The following MEMO1 variants were observed in gnomAD, a reference collection of about 807,000 sequenced individuals.
MEMO1 encodes the protein protein MEMO1.
In MEMO1, 6 loss-of-function variants were observed where a neutral mutation model predicts 45.2. That is an observed-to-expected ratio of 0.13 (90% confidence interval 0.07 to 0.26). The LOEUF (loss-of-function observed/expected upper bound fraction) is 0.26. Among genes scored for constraint, MEMO1 ranks in the 10% least tolerant of loss-of-function variants. The pLI is 1.00. For missense variants in MEMO1, 184 were observed against 370.5 expected, an observed-to-expected ratio of 0.50 and a Z score of 4.13; for synonymous variants, 78 against 124.3, an observed-to-expected ratio of 0.63 and a Z score of 2.48.
At chr2:31,995,223 G>A (rs552444005) in intron 2 of MEMO1, among the ~76,000 whole-genome samples, 37 of 152,096 alleles carry the variant, frequency 2.4e-4, no homozygotes, top group South Asian at 4.2e-4. Flanking sequence ...AGGCCGAGGC[G>A]GGTGAATCAC....
At chr2:31,915,575 A>C (rs1464745176) in intron 6 of MEMO1, among the ~76,000 whole-genome samples, 24 of 152,112 alleles carry the variant, frequency 1.6e-4, no homozygotes. Context: ...AAAAAAAAGA[A>C]GAAGAAGTCT....
chr2:31,934,563 G>A (rs904119603), intron 3 of MEMO1, among the ~76,000 whole-genome samples: 1 of 152,098 alleles, frequency 6.6e-6, no homozygotes, highest in Admixed American at 6.6e-5. Context: ...GGACATTAAG[G>A]AAGGGCCTAA....
At chr2:32,006,443 G>C (rs1438041734) in intron 2 of MEMO1, among the ~76,000 whole-genome samples, 2 of 152,130 alleles carry the variant, frequency 1.3e-5, no homozygotes, top group African/African-American at 4.8e-5. Flanking sequence ...ACTGGCTAGG[G>C]TTTGGCAAAT....
intron 2 of MEMO1, among the ~76,000 whole-genome samples, chr2:31,980,536 T>C (rs1670514497): frequency 6.6e-6 from 1 of 152,178 alleles, no homozygotes; most frequent in African/African-American, 2.4e-5. Flanking sequence ...TGAGTCAAAT[T>C]ACTTGAACTC....
chr2:31,885,841 C>T (rs1676113247), intron 7 of MEMO1, among the ~76,000 whole-genome samples: 1 of 152,196 alleles, frequency 6.6e-6, no homozygotes, highest in Non-Finnish European at 1.5e-5. Context: ...GTTTGCTACT[C>T]AAAAGTCTTT....
At chr2:31,929,696 T>C (rs983131370) in intron 4 of MEMO1, among the ~76,000 whole-genome samples, 1 of 152,216 alleles carries the variant, frequency 6.6e-6, no homozygotes, top group Admixed American at 6.5e-5. Flanking sequence ...TGACAGGGTA[T>C]CATTTACATT....
chr2:31,988,240 C>T (rs1027885528), intron 2 of MEMO1, among the ~76,000 whole-genome samples: 2 of 152,080 alleles, frequency 1.3e-5, no homozygotes, highest in African/African-American at 4.8e-5. Flanking sequence ...TTGGGATTTT[C>T]CCTGAAGGTT....
intron 2 of MEMO1, among the ~76,000 whole-genome samples, chr2:31,975,455 A>G (rs1193504349): frequency 6.6e-6 from 1 of 151,866 alleles, no homozygotes; most frequent in African/African-American, 2.4e-5. Flanking sequence ...AAAAGCCCAT[A>G]CTCCTCTTGA....
At chr2:31,878,078 G>A (rs1361968815) in intron 8 of MEMO1, among the ~76,000 whole-genome samples, 1 of 152,194 alleles carries the variant, frequency 6.6e-6, no homozygotes, top group African/African-American at 2.4e-5. Flanking sequence ...AGGGTAGGAT[G>A]TAGGATGCAA....
chr2:31,975,704 CT>C lies in MEMO1; in HGVS notation c.62-32322del, dbSNP rs555139472. On this transcript the variant is annotated intron_variant, in intron 2 of 9. Coordinates refer to ENST00000404530, the MANE Select transcript of MEMO1 (RefSeq NM_001301833.4). ...AATGATGTCCAAATAAGCATTAGTG[CT>C]AACAAGTCACATTCCTAAAAATTAC... is the stretch of plus-strand genomic sequence containing the variant. Among the ~76,000 whole-genome samples the C allele has an allele frequency of 7.9e-5, 12 of 152,192 alleles. No homozygotes were observed. In the East Asian group the frequency reaches 2.3e-3, roughly 29 times the overall value.
At chr2:31,975,309 T>C (rs1440463475) in intron 2 of MEMO1, among the ~76,000 whole-genome samples, 1 of 152,254 alleles carries the variant, frequency 6.6e-6, no homozygotes, top group Non-Finnish European at 1.5e-5. Context: ...ACCTAAATTA[T>C]GCATTCTCCT....
At chr2:31,933,962 G>A (rs1664603180) in intron 3 of MEMO1, among the ~76,000 whole-genome samples, 1 of 152,134 alleles carries the variant, frequency 6.6e-6, no homozygotes, top group Non-Finnish European at 1.5e-5. Context: ...GTCTCTGAGT[G>A]CCTGAGACGT....
intron 6 of MEMO1, among the ~76,000 whole-genome samples, chr2:31,894,104 A>G (rs550814949): frequency 6.6e-6 from 1 of 152,356 alleles, no homozygotes; most frequent in African/African-American, 2.4e-5. Flanking sequence ...AAGCAATTAT[A>G]AAACTAGATA....
chr2:31,928,395 T>G (rs1683428940), intron 4 of MEMO1, among the ~76,000 whole-genome samples: 1 of 151,956 alleles, frequency 6.6e-6, no homozygotes, highest in African/African-American at 2.4e-5. Context: ...ATAAAAAAAT[T>G]AGCCAGGCCT....
chr2:31,969,780 T>C (rs1333189428), intron 2 of MEMO1, among the ~76,000 whole-genome samples: 1 of 150,224 alleles, frequency 6.7e-6, no homozygotes, highest in Non-Finnish European at 1.5e-5. Flanking sequence ...CAACTAACTT[T>C]TTTTTTTTTT....
intron 2 of MEMO1, among the ~76,000 whole-genome samples, chr2:31,997,217 C>T (rs1672719654): frequency 6.6e-6 from 1 of 152,062 alleles, no homozygotes; most frequent in Admixed American, 6.6e-5. Context: ...TAGTAAGCCC[C>T]AAACAGGATA....
At chr2:31,954,384 G>A (rs1394266900) in intron 2 of MEMO1, among the ~76,000 whole-genome samples, 1 of 152,020 alleles carries the variant, frequency 6.6e-6, no homozygotes, top group Non-Finnish European at 1.5e-5. Context: ...AGAAGTTCGT[G>A]ACCAGCTTGG....
At chr2:31,888,093 T>C (rs1676452642) in intron 7 of MEMO1, among the ~76,000 whole-genome samples, 1 of 152,150 alleles carries the variant, frequency 6.6e-6, no homozygotes, top group Non-Finnish European at 1.5e-5. Context: ...ATATATGTCA[T>C]AAATATTCAC....
intron 2 of MEMO1, among the ~76,000 whole-genome samples, chr2:31,965,877 C>T (rs529645302): frequency 2.0e-5 from 3 of 152,196 alleles, no homozygotes; most frequent in South Asian, 4.1e-4. Context: ...GGCTTAATAC[C>T]GAGGTGATGG....
Sources: gnomAD v4.1 joint callset for allele counts (sites outside exome capture counted in the v4.1 genomes callset) on GRCh38, gnomAD v4.1.1 for gene constraint, MANE v1.5 for transcripts, NCBI Gene and HGNC (gene_info 2026-07-23, HGNC 2026-07-21) for gene names.